The following UNC13C variants were observed in gnomAD, a reference collection of about 807,000 sequenced individuals.
The protein encoded by UNC13C is protein unc-13 homolog C.
In UNC13C, 174 loss-of-function variants were observed where a neutral mutation model predicts 245.4. The ratio of observed to expected loss-of-function variants is 0.71; its 90% confidence interval spans 0.63 to 0.80. The LOEUF (loss-of-function observed/expected upper bound fraction) is 0.80. UNC13C is among the 30% of genes least tolerant of loss of function. The pLI, the probability that UNC13C is intolerant of heterozygous loss-of-function variation, is 0.00. For synonymous variants in UNC13C, 992 were observed against 895.1 expected, an observed-to-expected ratio of 1.11 and a Z score of -1.93; for missense variants, 2,829 against 2,602.9, an observed-to-expected ratio of 1.09 and a Z score of -1.89.
intron 2 of UNC13C, among the ~76,000 whole-genome samples, chr15:54,086,737 C>CTTTTTTTTTTTTTCTTTTTTTT: frequency 1.1e-5 from 1 of 92,012 alleles, no homozygotes; most frequent in African/African-American, 3.7e-5. Context: ...TATTTTCTTT[C>CTTTTTTTTTTTTTCTTTTTTTT]TTTTTTTTTT....
At chr15:54,564,343 T>C (rs972202583) in intron 29 of UNC13C, among the ~76,000 whole-genome samples, 9 of 151,956 alleles carry the variant, frequency 5.9e-5, no homozygotes, top group African/African-American at 2.2e-4. Flanking sequence ...GTCAGTTGAG[T>C]ATCGTAATCT....
intron 2 of UNC13C, chr15:54,049,343 C>A (rs1897176139): frequency 5.1e-5 from 26 of 509,478 alleles, no homozygotes; most frequent in South Asian, 3.8e-4. Context: ...CTACTAACAT[C>A]TACAAGAAGA....
rs375977822 is a variant in UNC13C, at chr15:54,235,094, A to T, written c.3136A>T (p.Ile1046Phe). 1.9e-6 allele frequency: 3 copies of T among 1,613,766 alleles called. No individual in the cohort carries two copies. In the South Asian group the frequency reaches 3.3e-5, roughly 18 times the overall value. The part of the protein sequence containing the change: ...PDLRRKKTLP[I>F]VRDVAMTLAA... ...TCTTCGCAGAAAAAAAACTTTGCCT[A>T]TTGTCCGAGATGTGGTAAGTTACAA... Residue 1046 changes from isoleucine (I) to phenylalanine (F), a missense_variant, in exon 5 of 33, where the codon ATT becomes TTT. Coordinates refer to ENST00000260323, the MANE Select transcript of UNC13C (RefSeq NM_001080534.3).
chr15:54,278,134 T>G (rs1304100984), intron 10 of UNC13C, among the ~76,000 whole-genome samples: 1 of 152,124 alleles, frequency 6.6e-6, no homozygotes, highest in African/African-American at 2.4e-5. Context: ...CTGAGACCTC[T>G]GACTATTTTG....
chr15:53,975,938 T>C (rs16973923), upstream of UNC13C, among the ~76,000 whole-genome samples: 6,217 of 152,290 alleles, frequency 0.041, 428 homozygotes, highest in African/African-American at 0.14. Flanking sequence ...TGTTGTTTAA[T>C]GTTATTAATT....
rs759284894 is a variant in UNC13C at position 54,507,146 on chromosome 15, T to C, written c.5331T>C (p.Ala1777=). 1.2e-6 allele frequency: 2 copies of C among 1,600,068 alleles called. No individual in the cohort carries two copies. Among genetic ancestry groups the C allele is most frequent in the Non-Finnish European group, 1.7e-6 (2 of 1,172,316 alleles). ...TCAATAAAGTGCTGCTCCAGTATGC[T>C]GCAATTGTATCAAGTGATTTCAGTT... ...KTINKVLLQY[A]AIVSSDFSSH... is the part of the protein sequence containing the mutation. Residue 1777 remains alanine, a synonymous_variant, in exon 23 of 33, where the codon GCT becomes GCC. Transcript: ENST00000260323.
chr15:54,300,113 C>T, intron 12 of UNC13C, 97 bp from the exon 13 acceptor site: 1 of 1,086,488 alleles, frequency 9.2e-7, no homozygotes, highest in Non-Finnish European at 1.3e-6. Flanking sequence ...ACATTAGAGG[C>T]AATGACAGTG....
chr15:53,865,381 G>A, the UNC13C span, among the ~76,000 whole-genome samples: 1 of 152,142 alleles, frequency 6.6e-6, no homozygotes, highest in African/African-American at 2.4e-5. Flanking sequence ...AGCAGGTTTG[G>A]TTTTTCCTGA....
intron 30 of UNC13C, among the ~76,000 whole-genome samples, chr15:54,603,001 A>G (rs1204237454): frequency 2.0e-5 from 3 of 152,200 alleles, no homozygotes; most frequent in Non-Finnish European, 4.4e-5. Flanking sequence ...GAGATTTCAC[A>G]AAGGCTCTGG....
At chr15:54,217,945 C>A (rs1449965082) in intron 4 of UNC13C, among the ~76,000 whole-genome samples, 1 of 151,936 alleles carries the variant, frequency 6.6e-6, no homozygotes, top group Non-Finnish European at 1.5e-5. Flanking sequence ...AATGTCACAT[C>A]CCTCTAATGT....
At chr15:54,031,470 G>A (rs1357392952) in intron 2 of UNC13C, among the ~76,000 whole-genome samples, 3 of 152,176 alleles carry the variant, frequency 2.0e-5, no homozygotes, top group African/African-American at 7.2e-5. Flanking sequence ...TGATCTGCCC[G>A]CCTCGGCTTC....
intron 2 of UNC13C, among the ~76,000 whole-genome samples, chr15:54,020,495 G>T (rs1895854963): frequency 2.1e-5 from 3 of 144,782 alleles, no homozygotes; most frequent in South Asian, 4.4e-4. Context: ...ATATTATCCA[G>T]GCTGGTCTCG....
At chr15:54,356,662 A>G (rs1432514276) in intron 17 of UNC13C, among the ~76,000 whole-genome samples, 3 of 152,184 alleles carry the variant, frequency 2.0e-5, no homozygotes, top group Admixed American at 1.3e-4. Flanking sequence ...GCAGAGTTTT[A>G]TTATTTGATA....
At chr15:53,899,406 A>G in the UNC13C span, among the ~76,000 whole-genome samples, 1 of 152,218 alleles carries the variant, frequency 6.6e-6, no homozygotes, top group Admixed American at 6.5e-5. Flanking sequence ...TTGCAAATTA[A>G]ACTTCTTGAA....
intron 19 of UNC13C, among the ~76,000 whole-genome samples, chr15:54,424,307 CAAAAG>C (rs2040713235): frequency 6.6e-6 from 1 of 151,834 alleles, no homozygotes. Flanking sequence ...GTTTTGGCAA[CAAAAG>C]AAACTTGGGA....
chr15:54,055,838 C>T (rs776085748), intron 2 of UNC13C, among the ~76,000 whole-genome samples: 5 of 152,058 alleles, frequency 3.3e-5, no homozygotes, highest in African/African-American at 7.2e-5. Flanking sequence ...ATATGTTTTG[C>T]GTCCAATGGG....
Position 54,500,965 on chromosome 15 carries a change from G to A in UNC13C, c.5288G>A (p.Arg1763Lys). Reference protein sequence around the residue: ...PNPEALSHLMRRFAKTINKVL... With the variant: ...PNPEALSHLMKRFAKTINKVL... The stretch of plus-strand genomic sequence containing the variant: ...CCTGAAGCATTATCTCACTTAATGA[G>A]AAGATTTGCAAAGGTAGGTTAAATA... The change falls in exon 22 of 33, where the codon AGA (arginine) becomes AAA (lysine). Residue 1763 changes from arginine to lysine, a missense_variant. Coordinates refer to ENST00000260323, the MANE Select transcript of UNC13C (RefSeq NM_001080534.3). 1 of 1,612,264 alleles carries A rather than the reference G, an allele frequency of 6.2e-7. No individual in the cohort carries two copies.
chr15:53,921,284 A>G, the UNC13C span, among the ~76,000 whole-genome samples: 1 of 152,192 alleles, frequency 6.6e-6, no homozygotes. Flanking sequence ...TGGTTCTAAT[A>G]AAAAGGCCTT....
rs772360503 is a variant in UNC13C, at chr15:54,626,908, G to T, written c.6440G>T (p.Arg2147Leu). ...VKDYCFARED[R>L]IIGMTVIQLQ... is the part of the protein sequence containing the mutation. ...GATTACTGCTTTGCCAGAGAAGATCGAATTATCGGAATGACAGTCATTCAG... is the reference window on the plus strand; with the variant it reads ...GATTACTGCTTTGCCAGAGAAGATCTAATTATCGGAATGACAGTCATTCAG... Residue 2147 changes from arginine (R) to leucine (L), a missense_variant, in exon 33 of 33, where the codon CGA (arginine) becomes CTA (leucine). Transcript: ENST00000260323. 1.2e-6 allele frequency: 2 copies of T among 1,613,272 alleles called. No individual in the cohort carries two copies. The highest frequency in any genetic ancestry group is 1.7e-6 in the Non-Finnish European group (2 of 1,179,544).
Sources: allele counts gnomAD v4.1 joint callset (sites outside exome capture counted in the v4.1 genomes callset), GRCh38; gene constraint gnomAD v4.1.1; transcripts MANE v1.5; gene names NCBI Gene and HGNC (gene_info 2026-07-23, HGNC 2026-07-21).